The following SLC11A2 variants were observed in gnomAD, a reference collection of about 807,000 sequenced individuals.
SLC11A2 encodes the protein natural resistance-associated macrophage protein 2.
Under a neutral mutation model 68.0 loss-of-function variants are expected in SLC11A2, and 38 were observed. The ratio of observed to expected loss-of-function variants is 0.56; its 90% CI spans 0.43 to 0.73. The LOEUF is 0.73. Among genes scored for constraint, SLC11A2 ranks in the 30% least tolerant of loss-of-function variants. The pLI, the probability that SLC11A2 is intolerant of heterozygous loss-of-function variation, is 0.00. For missense variants in SLC11A2, 517 were observed against 690.5 expected (o/e 0.75, Z 2.82); for synonymous variants, 242 against 250.6 (o/e 0.97, Z 0.32).
chr12:50,997,018 C>T (rs762085439), intron 8 of SLC11A2, 46 bp from the exon 9 acceptor site: 13 of 1,496,336 alleles, frequency 8.7e-6, no homozygotes, highest in African/African-American at 5.5e-5. Flanking sequence ...GAACGTGAAA[C>T]GGGAGTAACA....
At position 50,999,326 on chromosome 12, in the gene SLC11A2, C is replaced by G; in HGVS notation, c.607+19G>C. ...ACAGAGAGCAGCTCCTTTGACCCTC[C>G]CATTCCCGCTCTCCTTACCATATTT... On this transcript the variant is annotated intron_variant, in intron 7 of 15. Transcript: ENST00000262052. 1 of 1,611,656 alleles carries G rather than the reference C, an allele frequency of 6.2e-7. No individual in the cohort carries two copies. The highest frequency in any genetic ancestry group is 8.5e-7 in the Non-Finnish European group (1 of 1,177,786).
chr12:50,982,938 C>CAAAAAAA (rs34727368), downstream of SLC11A2, among the ~76,000 whole-genome samples: 1 of 90,038 alleles, frequency 1.1e-5, no homozygotes, highest in African/African-American at 4.5e-5. Flanking sequence ...GAGACTCCGT[C>CAAAAAAA]AAAAAAAAAA....
At chr12:50,965,084 G>T in the SLC11A2 span, among the ~76,000 whole-genome samples, 1 of 151,812 alleles carries the variant, frequency 6.6e-6, no homozygotes, top group Non-Finnish European at 1.5e-5. Context: ...CTAGGAGTAG[G>T]GTAATGCTTT....
At chr12:51,020,003 G>A (rs1318221615) in intron 1 of SLC11A2, among the ~76,000 whole-genome samples, 1 of 152,146 alleles carries the variant, frequency 6.6e-6, no homozygotes, top group Admixed American at 6.6e-5. Flanking sequence ...AAACAGCTTA[G>A]AATAGACATG....
At chr12:50,993,593 A>G (rs1198948410) in intron 11 of SLC11A2, among the ~76,000 whole-genome samples, 5 of 150,616 alleles carry the variant, frequency 3.3e-5, no homozygotes, top group Admixed American at 1.3e-4. Context: ...TGGGAGGCCG[A>G]GGGGGGGGTG....
At chr12:50,982,938 C>CAAA (rs34727368), downstream of SLC11A2, among the ~76,000 whole-genome samples, 5 of 90,030 alleles carry the variant, frequency 5.6e-5, no homozygotes, top group Non-Finnish European at 6.8e-5. Context: ...GAGACTCCGT[C>CAAA]AAAAAAAAAA....
At chr12:50,966,729 A>T in the SLC11A2 span, among the ~76,000 whole-genome samples, 3 of 152,192 alleles carry the variant, frequency 2.0e-5, no homozygotes, top group Admixed American at 2.0e-4. Context: ...ACTAAAATTT[A>T]AGTGTTCAAA....
chr12:50,968,073 G>A, the SLC11A2 span, among the ~76,000 whole-genome samples: 6 of 151,938 alleles, frequency 3.9e-5, no homozygotes, highest in Admixed American at 1.3e-4. Flanking sequence ...GCCACAGAGC[G>A]AGGCATTGTC....
At chr12:50,975,037 A>G (rs1048589237), downstream of SLC11A2, among the ~76,000 whole-genome samples, 6 of 152,180 alleles carry the variant, frequency 3.9e-5, no homozygotes, top group African/African-American at 1.4e-4. Flanking sequence ...ACACAATAAT[A>G]ATGGGAGACT....
intron 1 of SLC11A2, among the ~76,000 whole-genome samples, chr12:51,013,851 T>C (rs1432444394): frequency 6.6e-6 from 1 of 151,974 alleles, no homozygotes; most frequent in African/African-American, 2.4e-5. Context: ...AGATGGAGTC[T>C]CACTCCGTCA....
In SLC11A2 at chr12:50,986,183, C is replaced by G; in HGVS notation, c.*2142G>C. The G allele has an allele frequency of 7.8e-7, 1 of 1,284,996 alleles. No individual in the cohort carries two copies. The highest frequency in any genetic ancestry group is 1.0e-6 in the Non-Finnish European group (1 of 986,900). The allele number at this position is 1,284,996 out of a possible 1,614,324, so 79.6% of individuals were successfully genotyped here. On this transcript the variant is annotated 3_prime_UTR_variant, in exon 16 of 16. Transcript: ENST00000262052. Reference sequence around the variant, plus strand: ...TATTTCATGTCACATTTAAGAAGAACAAGAACCAATTTATATAAAGTACAA... The same window carrying G: ...TATTTCATGTCACATTTAAGAAGAAGAAGAACCAATTTATATAAAGTACAA...
intron 7 of SLC11A2, 43 bp from the exon 8 acceptor site, chr12:50,999,284 T>TC: frequency 6.2e-7 from 1 of 1,608,370 alleles, no homozygotes; most frequent in Non-Finnish European, 8.5e-7. Flanking sequence ...AAGGTAGACT[T>TC]CCCCATCTGC....
At chr12:50,964,099 A>G in the SLC11A2 span, among the ~76,000 whole-genome samples, 1 of 152,170 alleles carries the variant, frequency 6.6e-6, no homozygotes, top group Non-Finnish European at 1.5e-5. Flanking sequence ...GTTGAATCCT[A>G]TTAACACTTC....
rs556119111 is a variant in SLC11A2 at position 50,991,076 on chromosome 12, T to A, written c.1422-128A>T. ...AAATTGTTCTTAATTTGAAAAAAAA[T>A]GATTCTTCATAAGTCTAAGTTAAAT... On this transcript the variant is annotated intron_variant, in intron 14 of 15. Transcript: ENST00000262052. The A allele has an allele frequency of 2.0e-3, 1,741 of 865,568 alleles. 8 individuals carry two copies. Among genetic ancestry groups the A allele is most frequent in the South Asian group, 1.7e-3 (122 of 71,600 alleles). 53.6% of individuals were successfully genotyped at this position (865,568 alleles called of 1,614,324 possible). A position where few individuals can be genotyped will look rare whatever the true frequency, so the allele number is the denominator to read the frequency against.
In SLC11A2 at chr12:50,986,447, A is replaced by G. The variant is rs756970075; in HGVS notation, c.*1878T>C. The G allele has an allele frequency of 3.3e-5, 43 of 1,284,858 alleles. No individual in the cohort carries two copies. The highest frequency in any genetic ancestry group is 4.2e-5 in the Non-Finnish European group (41 of 986,858). The allele number at this position is 1,284,858 out of a possible 1,614,324, so 79.6% of individuals were successfully genotyped here. A position where few individuals can be genotyped will look rare whatever the true frequency, so the allele number is the denominator to read the frequency against. ...AGTTTTCTATCATTGCAAGTCATAA[A>G]TATAACTTTTAAAAGAATACTAGCA... On this transcript the variant is annotated 3_prime_UTR_variant, in exon 16 of 16. Coordinates refer to ENST00000262052, the MANE Select transcript of SLC11A2 (RefSeq NM_000617.3).
chr12:50,977,477 C>A (rs557674292), downstream of SLC11A2, among the ~76,000 whole-genome samples: 183 of 152,186 alleles, frequency 1.2e-3, 2 homozygotes, highest in African/African-American at 4.4e-3. Flanking sequence ...CTTCCTTACA[C>A]CTTATACAAA....
chr12:51,025,274 C>G (rs1365095947), intron 1 of SLC11A2, among the ~76,000 whole-genome samples: 1 of 152,134 alleles, frequency 6.6e-6, no homozygotes, highest in Non-Finnish European at 1.5e-5. Context: ...AAGGTAACAA[C>G]AACAAAAACT....
intron 15 of SLC11A2, among the ~76,000 whole-genome samples, chr12:50,989,208 A>G (rs1940901111): frequency 6.6e-6 from 1 of 152,174 alleles, no homozygotes; most frequent in Non-Finnish European, 1.5e-5. Flanking sequence ...TGGGTCTTCA[A>G]GCCAGACACG....
At chr12:51,015,864 A>C (rs1405043963) in intron 1 of SLC11A2, among the ~76,000 whole-genome samples, 1 of 152,232 alleles carries the variant, frequency 6.6e-6, no homozygotes, top group Non-Finnish European at 1.5e-5. Context: ...ACTCATGGTT[A>C]AATGTAATAT....
Sources: allele counts gnomAD v4.1 joint callset (sites outside exome capture counted in the v4.1 genomes callset), GRCh38; gene constraint gnomAD v4.1.1; transcripts MANE v1.5; gene names NCBI Gene and HGNC (gene_info 2026-07-23, HGNC 2026-07-21).